NRG3: variants seen among roughly 807,000 people sequenced by gnomAD.
NRG3 encodes pro-neuregulin-3, membrane-bound isoform.
NRG3 carries 31 observed loss-of-function variants against 66.9 expected under a neutral mutation model. The observed-to-expected ratio is 0.46, with a 90% CI of 0.35 to 0.63. The LOEUF (loss-of-function observed/expected upper bound fraction) is 0.63, where lower values mean the gene tolerates loss of function less well. Ranked by LOEUF, NRG3 falls within the 20% of genes least tolerant of loss-of-function variation. The pLI is 0.00. For missense variants in NRG3, 910 were observed against 878.9 expected (o/e 1.04, Z -0.45); for synonymous variants, 393 against 359.4 (o/e 1.09, Z -1.06).
chr10:82,455,827 C>G (rs996846080), intron 2 of NRG3, among the ~76,000 whole-genome samples: 13 of 151,926 alleles, frequency 8.6e-5, no homozygotes, highest in African/African-American at 3.1e-4. Flanking sequence ...ACCTCGTTAG[C>G]CAGGATGGTC....
intron 1 of NRG3, among the ~76,000 whole-genome samples, chr10:82,088,896 C>T (rs2065873206): frequency 6.6e-6 from 1 of 151,976 alleles, no homozygotes; most frequent in Non-Finnish European, 1.5e-5. Context: ...TGTAATATGC[C>T]CTTCACATCG....
chr10:81,915,986 A>G (rs73304583), intron 1 of NRG3, among the ~76,000 whole-genome samples: 2,873 of 152,296 alleles, frequency 0.019, 79 homozygotes, highest in African/African-American at 0.063. Flanking sequence ...AAATAGACAA[A>G]TTAATTTTAA....
At chr10:82,263,953 C>T (rs965188928) in intron 1 of NRG3, among the ~76,000 whole-genome samples, 3 of 152,086 alleles carry the variant, frequency 2.0e-5, no homozygotes, top group African/African-American at 7.2e-5. Flanking sequence ...ATAAATGAGT[C>T]AAAGTTAACT....
intron 4 of NRG3, among the ~76,000 whole-genome samples, chr10:82,940,239 C>T (rs1848473485): frequency 6.6e-6 from 1 of 152,128 alleles, no homozygotes; most frequent in Non-Finnish European, 1.5e-5. Flanking sequence ...AAACTGGTGG[C>T]TCACACAATT....
intron 1 of NRG3, among the ~76,000 whole-genome samples, chr10:81,979,321 C>T (rs902088050): frequency 1.3e-5 from 2 of 152,052 alleles, no homozygotes; most frequent in Admixed American, 6.5e-5. Flanking sequence ...ATGGCTTCCA[C>T]CCTAACAATA....
chr10:82,754,430 T>TG (rs2058996143), intron 3 of NRG3, among the ~76,000 whole-genome samples: 1 of 151,584 alleles, frequency 6.6e-6, no homozygotes, highest in Non-Finnish European at 1.5e-5. Context: ...TACTTAGGAG[T>TG]TGATTGTTAC....
At chr10:82,486,823 C>G (rs1842720075) in intron 2 of NRG3, among the ~76,000 whole-genome samples, 1 of 152,014 alleles carries the variant, frequency 6.6e-6, no homozygotes, top group African/African-American at 2.4e-5. Flanking sequence ...AAGCCAGTCA[C>G]AGAAGGACAA....
intron 3 of NRG3, among the ~76,000 whole-genome samples, chr10:82,838,148 G>A (rs886468429): frequency 7.9e-5 from 12 of 152,074 alleles, no homozygotes; most frequent in Admixed American, 5.9e-4. Flanking sequence ...AGAAATTAAA[G>A]CAAGTTTTTA....
chr10:82,738,875 C>T (rs1192380825), intron 3 of NRG3, among the ~76,000 whole-genome samples: 1 of 152,200 alleles, frequency 6.6e-6, no homozygotes, highest in East Asian at 1.9e-4. Flanking sequence ...CCTTGAACCC[C>T]TGCTGGGAAC....
chr10:82,397,301 C>T (rs1001937246), intron 2 of NRG3, among the ~76,000 whole-genome samples: 4 of 152,106 alleles, frequency 2.6e-5, no homozygotes, highest in Non-Finnish European at 5.9e-5. Context: ...GTTTAGAATG[C>T]TCATCGGGAA....
In NRG3 at chr10:82,711,125, C is replaced by T. The variant is rs898931169; in HGVS notation, c.954-27452C>T. The stretch of plus-strand genomic sequence containing the variant: ...ACAGGGTCTCACTCTGTCACCCAGG[C>T]TAGAATGTGGTCACCTTATCATAGC... On this transcript the variant is annotated intron_variant, in intron 2 of 8. Coordinates refer to ENST00000372141, the MANE Select transcript of NRG3 (RefSeq NM_001010848.4). 2.0e-5 allele frequency among the ~76,000 whole-genome samples: 3 copies of T among 152,196 alleles called. No homozygotes were observed. The East Asian group carries it at 5.8e-4, about 29-fold the overall frequency.
intron 4 of NRG3, among the ~76,000 whole-genome samples, chr10:82,920,446 A>G (rs958315176): frequency 5.9e-5 from 9 of 152,134 alleles, no homozygotes; most frequent in African/African-American, 1.7e-4. Flanking sequence ...ATATATATCA[A>G]TGTTTACATA....
chr10:81,987,857 T>G (rs1055914155), intron 1 of NRG3, among the ~76,000 whole-genome samples: 1 of 152,202 alleles, frequency 6.6e-6, no homozygotes, highest in African/African-American at 2.4e-5. Context: ...GGAAGCTCAC[T>G]GAAATGTTTT....
chr10:82,362,258 A>G (rs1388500405), intron 2 of NRG3, among the ~76,000 whole-genome samples: 1 of 144,034 alleles, frequency 6.9e-6, no homozygotes, highest in African/African-American at 2.8e-5. Flanking sequence ...AAAAAACTTG[A>G]CAGAAGGATT....
chr10:82,386,166 A>G (rs1375205421), intron 2 of NRG3, among the ~76,000 whole-genome samples: 1 of 152,172 alleles, frequency 6.6e-6, no homozygotes, highest in African/African-American at 2.4e-5. Context: ...GGCATTTTTA[A>G]AAGGCCATAC....
chr10:82,600,099 T>G (rs1476405851), intron 2 of NRG3, among the ~76,000 whole-genome samples: 1 of 152,162 alleles, frequency 6.6e-6, no homozygotes, highest in Non-Finnish European at 1.5e-5. Context: ...AGTATAAATT[T>G]GTTGAAATTT....
chr10:82,542,596 G>A (rs967425145), intron 2 of NRG3, among the ~76,000 whole-genome samples: 3 of 152,218 alleles, frequency 2.0e-5, no homozygotes, highest in Non-Finnish European at 2.9e-5. Context: ...TGGCAGATAT[G>A]ACTTTAGTCA....
intron 2 of NRG3, among the ~76,000 whole-genome samples, chr10:82,403,526 T>C (rs1173597440): frequency 1.3e-5 from 2 of 152,188 alleles, no homozygotes; most frequent in African/African-American, 4.8e-5. Flanking sequence ...AAAATCACTT[T>C]TGAATCTTGA....
At chr10:81,999,359 G>A (rs994974397) in intron 1 of NRG3, among the ~76,000 whole-genome samples, 2 of 152,120 alleles carry the variant, frequency 1.3e-5, no homozygotes, top group African/African-American at 4.8e-5. Flanking sequence ...AAAGAAGTAC[G>A]TTGGTGTTTT....
Sources: gnomAD v4.1 joint callset for allele counts (sites outside exome capture counted in the v4.1 genomes callset) on GRCh38, gnomAD v4.1.1 for gene constraint, MANE v1.5 for transcripts, NCBI Gene and HGNC (gene_info 2026-07-23, HGNC 2026-07-21) for gene names.